CDH12: variants seen among roughly 807,000 people sequenced by gnomAD.
The protein encoded by CDH12 is cadherin 12.
A neutral mutation model predicts 74.1 loss-of-function variants in CDH12; 41 were observed. The ratio of observed to expected loss-of-function variants is 0.55; its 90% confidence interval spans 0.43 to 0.72. The LOEUF is 0.72. CDH12 is among the 30% of genes least tolerant of loss of function. The probability of loss-of-function intolerance (pLI) is 0.00; values close to 1 mark genes in which losing one functional copy is unlikely to be tolerated. For missense variants in CDH12, 945 were observed against 977.2 expected, an observed-to-expected ratio of 0.97 and a Z score of 0.44; for synonymous variants, 399 against 355.0, an observed-to-expected ratio of 1.12 and a Z score of -1.39.
At position 22,584,228 on chromosome 5, in the gene CDH12, T is replaced by C. The variant is rs186990444; in HGVS notation, c.-522-78864A>G. 1.1e-4 allele frequency among the ~76,000 whole-genome samples: 17 copies of C among 152,188 alleles called. No individual in the cohort carries two copies. In the East Asian group the frequency reaches 3.3e-3, roughly 29 times the overall value. ...GATTCTCCTGCCTCAGCCTCCCAAG[T>C]AGCTGGGACTACAGGCATGCATTAT... is the stretch of plus-strand genomic sequence containing the variant. On this transcript the variant is annotated intron_variant, in intron 1 of 14. Coordinates refer to ENST00000382254, the MANE Select transcript of CDH12 (RefSeq NM_004061.5).
intron 1 of CDH12, among the ~76,000 whole-genome samples, chr5:22,772,653 T>C (rs996298851): frequency 6.6e-6 from 1 of 152,080 alleles, no homozygotes; most frequent in African/African-American, 2.4e-5. Context: ...AATTTAAACT[T>C]AACTAAGAAA....
At chr5:22,576,509 A>G (rs1739795814) in intron 1 of CDH12, among the ~76,000 whole-genome samples, 1 of 152,328 alleles carries the variant, frequency 6.6e-6, no homozygotes, top group East Asian at 1.9e-4. Flanking sequence ...GAAATAGACA[A>G]GTTAAAAGGC....
intron 3 of CDH12, among the ~76,000 whole-genome samples, chr5:22,385,495 T>C (rs1328854357): frequency 6.6e-6 from 1 of 152,214 alleles, no homozygotes; most frequent in African/African-American, 2.4e-5. Context: ...TTTTTTGAGA[T>C]GTAAATATTT....
intron 2 of CDH12, among the ~76,000 whole-genome samples, chr5:22,450,186 A>G (rs1484594054): frequency 6.6e-6 from 1 of 152,026 alleles, no homozygotes; most frequent in Non-Finnish European, 1.5e-5. Flanking sequence ...CAACTTTGTA[A>G]GCGAAACCTG....
intron 1 of CDH12, among the ~76,000 whole-genome samples, chr5:22,514,374 G>T (rs1404371253): frequency 6.6e-6 from 1 of 152,174 alleles, no homozygotes; most frequent in Non-Finnish European, 1.5e-5. Context: ...TCTAAAATGT[G>T]CAGCAAAGCT....
At chr5:22,739,449 T>C (rs1179786310) in intron 1 of CDH12, among the ~76,000 whole-genome samples, 1 of 152,080 alleles carries the variant, frequency 6.6e-6, no homozygotes, top group African/African-American at 2.4e-5. Context: ...TATCATCTTA[T>C]AAGTAAATAT....
intron 4 of CDH12, among the ~76,000 whole-genome samples, chr5:22,096,438 G>C (rs1412550690): frequency 2.0e-5 from 3 of 151,936 alleles, no homozygotes; most frequent in African/African-American, 7.3e-5. Flanking sequence ...CCCAAGTGTT[G>C]CTGAGTCTTT....
chr5:22,728,177 A>C (rs1744258009), intron 1 of CDH12, among the ~76,000 whole-genome samples: 1 of 151,850 alleles, frequency 6.6e-6, no homozygotes, highest in East Asian at 1.9e-4. Flanking sequence ...TATTTACTTT[A>C]AAAGCTATTG....
intron 6 of CDH12, among the ~76,000 whole-genome samples, chr5:21,962,437 T>C (rs1396684957): frequency 2.0e-5 from 3 of 152,212 alleles, no homozygotes; most frequent in Non-Finnish European, 4.4e-5. Flanking sequence ...AAATTTCCTT[T>C]TTTGTTCTAT....
chr5:21,800,879 T>C (rs973022093), intron 10 of CDH12, among the ~76,000 whole-genome samples: 1 of 152,188 alleles, frequency 6.6e-6, no homozygotes, highest in Non-Finnish European at 1.5e-5. Flanking sequence ...CCTGCTGCCA[T>C]GTAAGATGCG....
Position 21,975,211 on chromosome 5 carries a change from T to C in CDH12, c.406A>G (p.Thr136Ala), listed in dbSNP as rs1345491956. ...TLRAQAVDIE[T>A]RKPLEPESEF... Reference sequence around the variant, plus strand: ...GATTCAGGCTCCAGGGGCTTTCTGGTTTCTATGTCCACAGCCTGAGCACGA... The same window carrying C: ...GATTCAGGCTCCAGGGGCTTTCTGGCTTCTATGTCCACAGCCTGAGCACGA... Residue 136 changes from threonine to alanine, a missense_variant, in exon 6 of 15, where the codon ACC becomes GCC. Physicochemically the swap from Thr to Ala is moderately conservative, Grantham distance 58. Transcript: ENST00000382254. The C allele has an allele frequency of 1.0e-5, 16 of 1,597,264 alleles. No individual in the cohort carries two copies. The highest frequency in any genetic ancestry group is 1.3e-5 in the Non-Finnish European group (15 of 1,179,600).
At chr5:22,282,396 G>C (rs1736927514) in intron 3 of CDH12, among the ~76,000 whole-genome samples, 1 of 152,038 alleles carries the variant, frequency 6.6e-6, no homozygotes, top group African/African-American at 2.4e-5. Flanking sequence ...TGATAAATGG[G>C]ATCCAATTAA....
intron 5 of CDH12, among the ~76,000 whole-genome samples, chr5:22,044,891 A>AT (rs1739826312): frequency 6.6e-6 from 1 of 152,192 alleles, no homozygotes; most frequent in Non-Finnish European, 1.5e-5. Context: ...ATCAGCAAGG[A>AT]TTTTTTGGAT....
At chr5:22,066,810 T>C (rs1256291935) in intron 5 of CDH12, among the ~76,000 whole-genome samples, 1 of 152,106 alleles carries the variant, frequency 6.6e-6, no homozygotes, top group African/African-American at 2.4e-5. Flanking sequence ...CTTATTCTAC[T>C]CTCCTATTTG....
intron 1 of CDH12, among the ~76,000 whole-genome samples, chr5:22,802,280 C>G (rs1003745110): frequency 6.6e-6 from 1 of 151,922 alleles, no homozygotes; most frequent in Non-Finnish European, 1.5e-5. Flanking sequence ...CGCCACCACA[C>G]CCGGCTATTT....
chr5:22,308,223 G>T (rs927476505), intron 3 of CDH12, among the ~76,000 whole-genome samples: 9 of 152,056 alleles, frequency 5.9e-5, no homozygotes, highest in African/African-American at 2.2e-4. Context: ...AAAGCAGAGA[G>T]AAAGAGATGT....
intron 5 of CDH12, among the ~76,000 whole-genome samples, chr5:22,012,760 T>A (rs1737375726): frequency 6.9e-6 from 1 of 145,192 alleles, no homozygotes; most frequent in Non-Finnish European, 1.5e-5. Context: ...AAGCAAGTTA[T>A]TTCATTTTTC....
intron 6 of CDH12, among the ~76,000 whole-genome samples, chr5:21,873,621 T>TA (rs966095517): frequency 3.9e-5 from 6 of 152,136 alleles, no homozygotes; most frequent in Admixed American, 6.5e-5. Flanking sequence ...TGCTATTTTT[T>TA]AAAAATTTTA....
At chr5:21,794,091 G>GT (rs1167310587) in intron 10 of CDH12, among the ~76,000 whole-genome samples, 1 of 151,376 alleles carries the variant, frequency 6.6e-6, no homozygotes, top group Non-Finnish European at 1.5e-5. Flanking sequence ...GTGCATGTGA[G>GT]TTTTTTCAAA....
Sources: gnomAD v4.1 joint callset for allele counts (sites outside exome capture counted in the v4.1 genomes callset) on GRCh38, gnomAD v4.1.1 for gene constraint, MANE v1.5 for transcripts, NCBI Gene and HGNC (gene_info 2026-07-23, HGNC 2026-07-21) for gene names.